Variants in RSPO3 observed in about 807,000 individuals in gnomAD.
RSPO3 encodes the protein R-spondin 3.
RSPO3 carries 17 observed loss-of-function variants against 36.5 expected under a neutral mutation model. The ratio of observed to expected loss-of-function variants is 0.47; its 90% confidence interval spans 0.32 to 0.70. The LOEUF (loss-of-function observed/expected upper bound fraction) is 0.70, where lower values mean the gene tolerates loss of function less well. RSPO3 is among the 30% of genes least tolerant of loss of function. The pLI is 0.04. For missense variants in RSPO3, 294 were observed against 322.5 expected (o/e 0.91, Z 0.68); for synonymous variants, 108 against 107.0 (o/e 1.01, Z -0.06).
chr6:127,119,515 C>A (rs1414651864), intron 1 of RSPO3, among the ~76,000 whole-genome samples: 10 of 152,306 alleles, frequency 6.6e-5, no homozygotes, highest in Non-Finnish European at 1.0e-4. Context: ...CGGGCGGACG[C>A]GGCGCTAAGG....
intron 2 of RSPO3, 134 bp from the exon 3 acceptor site, chr6:127,150,292 T>G: frequency 1.3e-6 from 1 of 746,638 alleles, no homozygotes; most frequent in Non-Finnish European, 2.1e-6. Context: ...GAATTCAGTC[T>G]GGCAAAATAA....
At chr6:127,147,990 T>C (rs1430897928) in intron 1 of RSPO3, among the ~76,000 whole-genome samples, 4 of 152,102 alleles carry the variant, frequency 2.6e-5, no homozygotes, top group African/African-American at 9.7e-5. Context: ...ATTAAGCTCG[T>C]GTGAGAAGAA....
At chr6:127,169,222 T>C (rs1433937789) in intron 4 of RSPO3, among the ~76,000 whole-genome samples, 1 of 151,680 alleles carries the variant, frequency 6.6e-6, no homozygotes, top group African/African-American at 2.4e-5. Flanking sequence ...TTTTTTTCTG[T>C]TTGGTTTTTT....
At chr6:127,178,461 T>G (rs942159823) in intron 4 of RSPO3, among the ~76,000 whole-genome samples, 5 of 151,762 alleles carry the variant, frequency 3.3e-5, no homozygotes, top group African/African-American at 1.2e-4. Flanking sequence ...TTCTCCATGC[T>G]ATAAATATGC....
intron 1 of RSPO3, among the ~76,000 whole-genome samples, 190 bp downstream of exon 1, chr6:127,119,479 C>A (rs1443170138): frequency 6.6e-6 from 1 of 152,218 alleles, no homozygotes; most frequent in Non-Finnish European, 1.5e-5. Context: ...CCCTGCCTTC[C>A]GCAGCATCCT....
intron 1 of RSPO3, among the ~76,000 whole-genome samples, chr6:127,132,307 T>A (rs1464552702): frequency 6.6e-6 from 1 of 152,174 alleles, no homozygotes; most frequent in Non-Finnish European, 1.5e-5. Context: ...ATTCTGATAC[T>A]GTATACTAGA....
chr6:127,154,668 T>C (rs933456586), intron 3 of RSPO3, among the ~76,000 whole-genome samples: 11 of 152,188 alleles, frequency 7.2e-5, no homozygotes, highest in African/African-American at 2.7e-4. Flanking sequence ...AAGCATTCTC[T>C]AACACAGAGG....
intron 1 of RSPO3, among the ~76,000 whole-genome samples, chr6:127,145,319 T>C (rs1440396261): frequency 1.3e-5 from 2 of 152,172 alleles, no homozygotes; most frequent in African/African-American, 2.4e-5. Context: ...TACTTTAAGT[T>C]ATCATCAGCC....
intron 1 of RSPO3, among the ~76,000 whole-genome samples, chr6:127,136,276 T>A (rs1010012118): frequency 3.3e-5 from 5 of 152,194 alleles, no homozygotes; most frequent in Non-Finnish European, 7.3e-5. Context: ...TGCTTCACAG[T>A]CTCTTTATTT....
chr6:127,155,144 T>C (rs949736313), intron 3 of RSPO3, 97 bp from the exon 4 acceptor site: 2 of 1,170,118 alleles, frequency 1.7e-6, no homozygotes, highest in Non-Finnish European at 2.5e-6. Flanking sequence ...TCTTCTCAAA[T>C]GTGGGCAAGT....
At chr6:127,134,595 T>C (rs113637543) in intron 1 of RSPO3, among the ~76,000 whole-genome samples, 3 of 152,322 alleles carry the variant, frequency 2.0e-5, no homozygotes, top group African/African-American at 7.2e-5. Context: ...ACTTTGTTGA[T>C]GACCTTTCCT....
chr6:127,128,827 T>C (rs1301011843), intron 1 of RSPO3, among the ~76,000 whole-genome samples: 1 of 152,078 alleles, frequency 6.6e-6, no homozygotes, highest in East Asian at 1.9e-4. Context: ...ATGTAACAGA[T>C]GCTGGCTTCA....
At chr6:127,154,543 C>T (rs886903890) in intron 3 of RSPO3, among the ~76,000 whole-genome samples, 7 of 152,100 alleles carry the variant, frequency 4.6e-5, no homozygotes, top group African/African-American at 9.7e-5. Flanking sequence ...ATAATAGATG[C>T]CGCTATGCCT....
chr6:127,175,350 T>A (rs78353740), intron 4 of RSPO3, among the ~76,000 whole-genome samples: 4,585 of 151,782 alleles, frequency 0.03, 212 homozygotes, highest in African/African-American at 0.1. Flanking sequence ...TGCGGAATAT[T>A]GAAAACCAGT....
intron 4 of RSPO3, among the ~76,000 whole-genome samples, chr6:127,175,022 T>C (rs1361931414): frequency 6.6e-6 from 1 of 151,726 alleles, no homozygotes; most frequent in Non-Finnish European, 1.5e-5. Flanking sequence ...TGCATGAAAA[T>C]TTATTTGATT....
chr6:127,170,232 A>T (rs894984963), intron 4 of RSPO3, among the ~76,000 whole-genome samples: 3 of 151,794 alleles, frequency 2.0e-5, no homozygotes, highest in African/African-American at 7.3e-5. Flanking sequence ...GTAGAAAAAA[A>T]TTGTTTTAAA....
chr6:127,119,404 C>A (rs1043470369), intron 1 of RSPO3, 115 bp downstream of exon 1: 2 of 755,592 alleles, frequency 2.6e-6, no homozygotes, highest in Admixed American at 2.2e-5. Flanking sequence ...CTGCGCCTCG[C>A]AGAGGAGATG....
At chr6:127,195,287 G>C (rs983468780) in intron 4 of RSPO3, among the ~76,000 whole-genome samples, 1 of 152,020 alleles carries the variant, frequency 6.6e-6, no homozygotes, top group Non-Finnish European at 1.5e-5. Context: ...TCCTACCTCA[G>C]CCTTCTGCAT....
intron 4 of RSPO3, 114 bp downstream of exon 4, chr6:127,155,552 G>A: frequency 1.0e-6 from 1 of 974,184 alleles, no homozygotes; most frequent in Non-Finnish European, 1.6e-6. Context: ...ATCCTAAAAT[G>A]TGTACCAAGC....
Sources: allele counts gnomAD v4.1 joint callset (sites outside exome capture counted in the v4.1 genomes callset), GRCh38; gene constraint gnomAD v4.1.1; transcripts MANE v1.5; gene names NCBI Gene and HGNC (gene_info 2026-07-23, HGNC 2026-07-21).